Variants in GRIK1 observed in about 807,000 individuals in gnomAD.
The protein encoded by GRIK1 is glutamate receptor ionotropic, kainate 1.
GRIK1 carries 69 observed loss-of-function variants against 105.7 expected under a neutral mutation model. The observed-to-expected ratio is 0.65, with a 90% CI of 0.54 to 0.80. GRIK1 has a LOEUF of 0.80. Among genes scored for constraint, GRIK1 ranks in the 30% least tolerant of loss-of-function variants. The pLI, the probability that GRIK1 is intolerant of heterozygous loss-of-function variation, is 0.00. For synonymous variants in GRIK1, 438 were observed against 431.3 expected, an observed-to-expected ratio of 1.02 and a Z score of -0.19; for missense variants, 1,109 against 1,167.3, an observed-to-expected ratio of 0.95 and a Z score of 0.73.
intron 1 of GRIK1, among the ~76,000 whole-genome samples, chr21:29,901,363 G>A (rs1360095461): frequency 1.3e-5 from 2 of 152,014 alleles, no homozygotes; most frequent in Non-Finnish European, 2.9e-5. Context: ...CCAGCAGCTG[G>A]TTTTTTGAAA....
At chr21:29,748,548 A>T (rs1393784669) in intron 1 of GRIK1, among the ~76,000 whole-genome samples, 2 of 152,234 alleles carry the variant, frequency 1.3e-5, no homozygotes, top group Admixed American at 6.5e-5. Flanking sequence ...AACTTTGTGC[A>T]ATGTTTTACA....
chr21:29,712,079 T>TAC (rs1340092106), intron 1 of GRIK1, among the ~76,000 whole-genome samples: 342 of 30,278 alleles, frequency 0.011, 1 homozygote, highest in African/African-American at 0.024. Flanking sequence ...TATGTATACA[T>TAC]ACATACACAC....
chr21:29,627,010 T>C (rs1471876511), intron 7 of GRIK1, among the ~76,000 whole-genome samples: 2 of 152,200 alleles, frequency 1.3e-5, no homozygotes, highest in Admixed American at 6.5e-5. Context: ...ATTTGAGTTA[T>C]GTGATGAAAA....
intron 7 of GRIK1, among the ~76,000 whole-genome samples, chr21:29,619,039 A>C (rs922069326): frequency 6.7e-6 from 1 of 149,004 alleles, no homozygotes; most frequent in African/African-American, 2.5e-5. Context: ...GGCAGGAGAA[A>C]AGCGTGAACC....
rs753443587 is a variant in GRIK1, at chr21:29,587,390, C to A, written c.1769G>T (p.Ser590Ile). 18 of 1,611,552 alleles carry A rather than the reference C, an allele frequency of 1.1e-5. 1 individual carries two copies. Among genetic ancestry groups the A allele is most frequent in the African/African-American group, 2.7e-5 (2 of 74,824 alleles). Residue 590 changes from serine to isoleucine, a missense_variant, in exon 12 of 18, where the codon AGC becomes ATC. Ser to Ile is a moderately radical substitution (Grantham distance 142). Coordinates refer to ENST00000327783, the MANE Select transcript of GRIK1 (RefSeq NM_001330994.2). ...MYVLLACLGVSCVLFVIARFT... is the reference protein window; with the variant it reads ...MYVLLACLGVICVLFVIARFT... Reference sequence around the variant, plus strand: ...CCTTGCAATCACAAAGAGTACACAGCTGACTCCCAAGCAGGCTAAGAGCAC... The same window carrying A: ...CCTTGCAATCACAAAGAGTACACAGATGACTCCCAAGCAGGCTAAGAGCAC...
intron 3 of GRIK1, among the ~76,000 whole-genome samples, chr21:29,674,089 T>C (rs79657599): frequency 6.6e-6 from 1 of 151,724 alleles, no homozygotes; most frequent in Non-Finnish European, 1.5e-5. Flanking sequence ...TTTTTTTTTT[T>C]AGTATGCAGT....
intron 1 of GRIK1, among the ~76,000 whole-genome samples, chr21:29,765,983 C>T (rs1400403818): frequency 2.0e-5 from 3 of 151,954 alleles, no homozygotes; most frequent in South Asian, 2.1e-4. Flanking sequence ...TCCCGAGTAG[C>T]TGGGACTACA....
intron 1 of GRIK1, chr21:29,764,020 C>T (rs1391426980): frequency 2.6e-5 from 4 of 152,130 alleles, no homozygotes; most frequent in African/African-American, 9.7e-5. Flanking sequence ...CTTTTAGATT[C>T]TTTTGCTTTC....
intron 1 of GRIK1, among the ~76,000 whole-genome samples, chr21:29,818,178 C>A (rs1279604491): frequency 3.9e-5 from 6 of 152,106 alleles, no homozygotes; most frequent in Non-Finnish European, 7.4e-5. Flanking sequence ...CCATATATTT[C>A]AACCATGTAA....
intron 1 of GRIK1, among the ~76,000 whole-genome samples, chr21:29,881,685 C>A (rs2069413268): frequency 6.6e-6 from 1 of 152,092 alleles, no homozygotes; most frequent in African/African-American, 2.4e-5. Context: ...CAAGATTCTT[C>A]AATTCCCTGT....
chr21:29,915,747 A>G (rs747085293), intron 1 of GRIK1, among the ~76,000 whole-genome samples: 16 of 152,002 alleles, frequency 1.1e-4, no homozygotes, highest in Non-Finnish European at 2.1e-4. Context: ...AACCTTTCTG[A>G]AATGCAATAG....
At chr21:29,593,570 G>C (rs1379591449) in intron 9 of GRIK1, among the ~76,000 whole-genome samples, 3 of 152,188 alleles carry the variant, frequency 2.0e-5, no homozygotes, top group Non-Finnish European at 4.4e-5. Context: ...GCTCCATGAA[G>C]AGTGTGTGTA....
chr21:29,708,733 G>A (rs2063974543), intron 1 of GRIK1, among the ~76,000 whole-genome samples: 1 of 152,188 alleles, frequency 6.6e-6, no homozygotes, highest in Non-Finnish European at 1.5e-5. Flanking sequence ...GCCTGCAACA[G>A]ACTCACTACA....
chr21:29,932,284 A>C (rs958454656), intron 1 of GRIK1, among the ~76,000 whole-genome samples: 2 of 152,310 alleles, frequency 1.3e-5, no homozygotes, highest in East Asian at 1.9e-4. Flanking sequence ...TGTTTCTATG[A>C]GATTAATTTG....
At chr21:29,865,404 A>G (rs1448954773) in intron 1 of GRIK1, among the ~76,000 whole-genome samples, 1 of 152,256 alleles carries the variant, frequency 6.6e-6, no homozygotes, top group Non-Finnish European at 1.5e-5. Flanking sequence ...ACCTTTTAAA[A>G]ATGAAAACAC....
intron 2 of GRIK1, among the ~76,000 whole-genome samples, chr21:29,691,136 C>A (rs145032463): frequency 6.6e-6 from 1 of 150,982 alleles, no homozygotes. Flanking sequence ...CATGGTGAAA[C>A]CCCATCTCTA....
intron 7 of GRIK1, among the ~76,000 whole-genome samples, chr21:29,614,712 C>A (rs569198033): frequency 6.6e-6 from 1 of 151,510 alleles, no homozygotes; most frequent in Admixed American, 6.5e-5. Context: ...CGCGCCCAGC[C>A]CCCACCTTTC....
At chr21:29,804,756 C>T (rs1055541598) in intron 1 of GRIK1, among the ~76,000 whole-genome samples, 1 of 152,000 alleles carries the variant, frequency 6.6e-6, no homozygotes, top group Admixed American at 6.6e-5. Flanking sequence ...ATGCAAATGC[C>T]AGTTTGTGTG....
chr21:29,831,234 G>A (rs1266225680), intron 1 of GRIK1, among the ~76,000 whole-genome samples: 1 of 152,106 alleles, frequency 6.6e-6, no homozygotes, highest in Non-Finnish European at 1.5e-5. Context: ...AGCCCACTTG[G>A]TACTGTCTGG....
Sources: allele counts gnomAD v4.1 joint callset (sites outside exome capture counted in the v4.1 genomes callset), GRCh38; gene constraint gnomAD v4.1.1; transcripts MANE v1.5; gene names NCBI Gene and HGNC (gene_info 2026-07-23, HGNC 2026-07-21).